Variants in TMEM254 observed in about 807,000 individuals in gnomAD.
TMEM254 encodes the protein transmembrane protein 254, also known as transmembrane protein C10orf57.
Under a neutral mutation model 13.9 loss-of-function variants are expected in TMEM254, and 16 were observed. The observed-to-expected ratio is 1.15, with a 90% CI of 0.78 to 1.75. The LOEUF (loss-of-function observed/expected upper bound fraction) is 1.75. Among genes scored for constraint, TMEM254 ranks in the 40% most tolerant of loss-of-function variants. The probability of loss-of-function intolerance (pLI) is 0.00; values close to 1 mark genes in which losing one functional copy is unlikely to be tolerated. For synonymous variants in TMEM254, 61 were observed against 56.4 expected, an observed-to-expected ratio of 1.08 and a Z score of -0.36; for missense variants, 155 against 149.0, an observed-to-expected ratio of 1.04 and a Z score of -0.21.
chr10:80,080,240 G>C (rs1006366629), intron 1 of TMEM254, among the ~76,000 whole-genome samples: 1 of 152,182 alleles, frequency 6.6e-6, no homozygotes, highest in Non-Finnish European at 1.5e-5. Context: ...AGTGATATTT[G>C]TGCATTATTT....
chr10:80,080,748 G>A (rs549556113), intron 1 of TMEM254, among the ~76,000 whole-genome samples: 2 of 150,554 alleles, frequency 1.3e-5, no homozygotes, highest in African/African-American at 4.9e-5. Context: ...AGACCATCCT[G>A]GGCAACATGG....
rs1844289320 is a variant in TMEM254 at position 80,085,841 on chromosome 10, A to G, written c.251+3637A>G. Reference sequence around the variant, plus strand: ...TTCATGTTCATTGTTACCTTTTTATAGTCTGGAGTTCCATTCAGAATATAT... The same window carrying G: ...TTCATGTTCATTGTTACCTTTTTATGGTCTGGAGTTCCATTCAGAATATAT... On this transcript the variant is annotated intron_variant, in intron 3 of 3. Coordinates refer to ENST00000372281, the MANE Select transcript of TMEM254 (RefSeq NM_025125.4). Among the ~76,000 whole-genome samples, 4 of 152,198 alleles carry G rather than the reference A, an allele frequency of 2.6e-5. No individual in the cohort carries two copies. In the South Asian group the frequency reaches 8.3e-4, roughly 31 times the overall value.
intron 1 of TMEM254, 64 bp from the exon 2 acceptor site, chr10:80,081,771 TCAAAAA>T (rs1416475147): frequency 2.5e-6 from 4 of 1,609,478 alleles, no homozygotes; most frequent in Middle Eastern, 1.7e-4. Context: ...ACAGCCTTTC[TCAAAAA>T]CAAAAACAAA....
At chr10:80,085,081 A>C (rs1844245069) in intron 3 of TMEM254, among the ~76,000 whole-genome samples, 1 of 152,046 alleles carries the variant, frequency 6.6e-6, no homozygotes, top group Non-Finnish European at 1.5e-5. Context: ...CGGTTTCCCA[A>C]AGTGCTGGGA....
intron 3 of TMEM254, among the ~76,000 whole-genome samples, chr10:80,086,827 C>G (rs1844339616): frequency 7.7e-6 from 1 of 129,870 alleles, no homozygotes; most frequent in Admixed American, 7.9e-5. Context: ...GGCAACACAG[C>G]AAGACTCCAT....
At chr10:80,082,029 A>G in intron 2 of TMEM254, 85 bp downstream of exon 2, 1 of 1,559,016 alleles carries the variant, frequency 6.4e-7, no homozygotes, top group Non-Finnish European at 8.8e-7. Flanking sequence ...GCCTTTTGGT[A>G]TCTAAGAGTA....
At chr10:80,079,206 G>T in intron 1 of TMEM254, 1 of 1,281,506 alleles carries the variant, frequency 7.8e-7, no homozygotes, top group Non-Finnish European at 1.0e-6. Context: ...GGTGGGGCGG[G>T]GCGGGCCTCT....
At chr10:80,086,318 C>T in intron 3 of TMEM254, 1 of 1,308,376 alleles carries the variant, frequency 7.6e-7, no homozygotes, top group Non-Finnish European at 1.0e-6. Flanking sequence ...GGTTACCTAG[C>T]CACCAACTGT....
chr10:80,087,103 A>G (rs1844353877), intron 3 of TMEM254, among the ~76,000 whole-genome samples: 1 of 152,062 alleles, frequency 6.6e-6, no homozygotes, highest in Admixed American at 6.5e-5. Flanking sequence ...CTGGGCTAAC[A>G]TATCCCTATT....
chr10:80,080,399 T>G (rs916457691), intron 1 of TMEM254, among the ~76,000 whole-genome samples: 3 of 152,206 alleles, frequency 2.0e-5, no homozygotes, highest in Admixed American at 2.0e-4. Context: ...AAGTTAAGAT[T>G]ACGAAAAATT....
chr10:80,081,879 C>T lies in TMEM254; in HGVS notation c.126C>T (p.Asn42=). 6 of 1,614,244 alleles carry T rather than the reference C, an allele frequency of 3.7e-6. No homozygotes were observed. The highest frequency in any genetic ancestry group is 5.1e-6 in the Non-Finnish European group (6 of 1,180,046). ...GGCCTCAGAGTATCCCTTATCAGAACCTTGGGCCCCTGGGCCCCTTCACTC... is the reference window on the plus strand; with the variant it reads ...GGCCTCAGAGTATCCCTTATCAGAATCTTGGGCCCCTGGGCCCCTTCACTC... ...VFWPQSIPYQ[N]LGPLGPFTQY... is the part of the protein sequence containing the mutation. The change falls in exon 2 of 4, where the codon AAC becomes AAT. Residue 42 remains asparagine (N), a synonymous_variant. Transcript: ENST00000372281.
intron 2 of TMEM254, 76 bp from the exon 3 acceptor site, chr10:80,082,069 T>A: frequency 1.0e-5 from 16 of 1,590,444 alleles, no homozygotes; most frequent in Non-Finnish European, 1.4e-5. Flanking sequence ...CACTTTTCTT[T>A]TTGAGATTGC....
rs1281669891 is a variant in TMEM254 at position 80,092,174 on chromosome 10, T to G, written c.*1257T>G. ...CTTTCTGGGGACACTAGCCCTCATTTCCCTTCTGTGGTACAGTGGGGCAAA... is the reference window on the plus strand; with the variant it reads ...CTTTCTGGGGACACTAGCCCTCATTGCCCTTCTGTGGTACAGTGGGGCAAA... On this transcript the variant is annotated 3_prime_UTR_variant, in exon 4 of 4. Coordinates refer to ENST00000372281, the MANE Select transcript of TMEM254 (RefSeq NM_025125.4). The G allele has an allele frequency of 6.6e-6, 1 of 152,182 alleles. No individual in the cohort carries two copies. The highest frequency in any genetic ancestry group is 1.5e-5 in the Non-Finnish European group (1 of 68,048). 9.4% of individuals were successfully genotyped at this position (152,182 alleles called of 1,614,324 possible). A position where few individuals can be genotyped will look rare whatever the true frequency, so the allele number is the denominator to read the frequency against.
intron 1 of TMEM254, 78 bp downstream of exon 1, chr10:80,078,864 C>T: frequency 6.5e-7 from 1 of 1,534,580 alleles, no homozygotes; most frequent in East Asian, 2.5e-5. Flanking sequence ...GGCTCACAGG[C>T]CGCGGGCCGG....
rs555311782 is a variant in TMEM254, at chr10:80,085,174, T to C, written c.251+2970T>C. 1.5e-3 allele frequency among the ~76,000 whole-genome samples: 224 copies of C among 152,152 alleles called. 3 individuals are homozygous for C. The highest frequency in any genetic ancestry group is 5.0e-3 in the African/African-American group (208 of 41,502). On this transcript the variant is annotated intron_variant, in intron 3 of 3. Coordinates refer to ENST00000372281, the MANE Select transcript of TMEM254 (RefSeq NM_025125.4). ...GGCAGAGGGAGAACAGGCATAGAGG[T>C]TAGGTTACTCTTATGTTCTTGAAAT... is the stretch of plus-strand genomic sequence containing the variant.
intron 3 of TMEM254, among the ~76,000 whole-genome samples, chr10:80,089,314 C>T (rs2132302373): frequency 6.6e-6 from 1 of 152,230 alleles, no homozygotes; most frequent in South Asian, 2.1e-4. Context: ...TTTTGTAGAT[C>T]TCCTGTGTCA....
At chr10:80,083,292 C>T (rs1300397295) in intron 3 of TMEM254, among the ~76,000 whole-genome samples, 4 of 151,872 alleles carry the variant, frequency 2.6e-5, no homozygotes, top group Admixed American at 6.6e-5. Context: ...TTATTAGAGA[C>T]GGGGTTTCAC....
At chr10:80,086,614 G>A (rs1350292991) in intron 3 of TMEM254, among the ~76,000 whole-genome samples, 3 of 151,938 alleles carry the variant, frequency 2.0e-5, no homozygotes, top group East Asian at 1.9e-4. Context: ...AGGCCAAGGC[G>A]GACGGATCAC....
At chr10:80,088,386 A>C (rs1300934695) in intron 3 of TMEM254, among the ~76,000 whole-genome samples, 1 of 151,960 alleles carries the variant, frequency 6.6e-6, no homozygotes, top group Non-Finnish European at 1.5e-5. Flanking sequence ...TTTTCATTGG[A>C]TTGACCATGT....
Sources: gnomAD v4.1 joint callset for allele counts (sites outside exome capture counted in the v4.1 genomes callset) on GRCh38, gnomAD v4.1.1 for gene constraint, MANE v1.5 for transcripts, NCBI Gene and HGNC (gene_info 2026-07-23, HGNC 2026-07-21) for gene names.